The following INAVA variants were observed in gnomAD, a reference collection of about 807,000 sequenced individuals.
The protein encoded by INAVA is innate immunity activator.
Under a neutral mutation model 55.3 loss-of-function variants are expected in INAVA, and 32 were observed. The ratio of observed to expected loss-of-function variants is 0.58; its 90% CI spans 0.44 to 0.78. INAVA has a LOEUF of 0.78. Ranked by LOEUF, INAVA falls within the 30% of genes least tolerant of loss-of-function variation. The pLI is 0.00. For missense variants in INAVA, 756 were observed against 786.4 expected (o/e 0.96, Z 0.46); for synonymous variants, 294 against 329.4 (o/e 0.89, Z 1.16).
rs1257376077 is a variant in INAVA, at chr1:200,898,445, C to T, written c.45C>T (p.Ile15=). 3 of 1,613,864 alleles carry T rather than the reference C, an allele frequency of 1.9e-6. No homozygotes were observed. The change falls in exon 2 of 10, where the codon ATC becomes ATT. Residue 15 remains isoleucine (I), a synonymous_variant. Coordinates refer to ENST00000413687, the MANE Select transcript of INAVA (RefSeq NM_001142569.3). ...TCAGCGACACCGACAGTGGCATCAT[C>T]CTGCAGTCTGGTGAGTGTTCAGGGA... The part of the protein sequence containing the change: ...DEVSDTDSGI[I]LQSGPDSPVS...
chr1:200,902,174 G>A (rs1158165089), intron 5 of INAVA, among the ~76,000 whole-genome samples: 4 of 152,278 alleles, frequency 2.6e-5, no homozygotes, highest in Admixed American at 6.5e-5. Flanking sequence ...ACATTCTCAG[G>A]CTCCCATCCC....
chr1:200,909,075 G>GGT, intron 7 of INAVA, 135 bp downstream of exon 7: 1 of 1,298,468 alleles, frequency 7.7e-7, no homozygotes. Flanking sequence ...GTGGGATGGA[G>GGT]GTGTGAGCCT....
chr1:200,901,904 G>A (rs987368386), intron 5 of INAVA, among the ~76,000 whole-genome samples: 1 of 152,318 alleles, frequency 6.6e-6, no homozygotes, highest in East Asian at 1.9e-4. Flanking sequence ...TCCACCACAG[G>A]TTAGCTTCCA....
chr1:200,894,930 G>A lies in INAVA; in HGVS notation c.-252G>A. ...CCTGGGAGGGACGGCAAGGTAGGCA[G>A]GTGAGCCGAGACGGACGGACGGCCA... On this transcript the variant is annotated 5_prime_UTR_variant, in exon 1 of 10. Transcript: ENST00000413687. The A allele has an allele frequency of 1.0e-6, 1 of 985,844 alleles. No homozygotes were observed. The allele number at this position is 985,844 out of a possible 1,614,324, so 61.1% of individuals were successfully genotyped here.
rs1653847036 is a variant in INAVA at position 200,913,833 on chromosome 1, T to C, written c.*204T>C. The C allele has an allele frequency of 1.8e-6, 1 of 563,854 alleles. No individual in the cohort carries two copies. Among genetic ancestry groups the C allele is most frequent in the Non-Finnish European group, 3.2e-6 (1 of 317,136 alleles). The allele number at this position is 563,854 out of a possible 1,614,324, so 34.9% of individuals were successfully genotyped here. A position where few individuals can be genotyped will look rare whatever the true frequency, so the allele number is the denominator to read the frequency against. ...ATATGTGGATTGTCCTCAATACCCC[T>C]GTGATATGATTATGTTTTATCCCCC... On this transcript the variant is annotated 3_prime_UTR_variant, in exon 10 of 10. Coordinates refer to ENST00000413687, the MANE Select transcript of INAVA (RefSeq NM_001142569.3).
chr1:200,891,601 C>T, upstream of INAVA: 1 of 1,565,306 alleles, frequency 6.4e-7, no homozygotes, highest in Non-Finnish European at 8.6e-7. Flanking sequence ...CAGGGAGGCT[C>T]GGGGGGAGGG....
At position 200,911,928 on chromosome 1, in the gene INAVA, C is replaced by T. The variant is rs1428490748; in HGVS notation, c.1435C>T (p.Arg479Cys). The stretch of plus-strand genomic sequence containing the variant: ...CCAGCGTCTGGTGCCCTCCCGCAGC[C>T]GCATCGTGCGGACGCCCTCCCTGAA... ...RYQRLVPSRS[R>C]IVRTPSLKDS... The change falls in exon 9 of 10, where the codon CGC becomes TGC. Residue 479 changes from arginine (R) to cysteine (C), a missense_variant. By Grantham distance (180) the Arg-to-Cys change is radical. This residue lies in a region of INAVA where 117 missense variants were observed against 162.1 expected (regional missense o/e 0.72). Coordinates refer to ENST00000413687, the MANE Select transcript of INAVA (RefSeq NM_001142569.3). The T allele has an allele frequency of 1.3e-6, 2 of 1,567,110 alleles. No individual in the cohort carries two copies. The highest frequency in any genetic ancestry group is 2.3e-5 in the East Asian group (1 of 42,912).
chr1:200,909,849 G>A (rs1035303148), intron 8 of INAVA, among the ~76,000 whole-genome samples: 6 of 152,144 alleles, frequency 3.9e-5, no homozygotes, highest in African/African-American at 1.4e-4. Flanking sequence ...AGGTTCCCGT[G>A]AGCCTTTGGT....
chr1:200,902,047 G>T (rs1002788703), intron 5 of INAVA, among the ~76,000 whole-genome samples: 1 of 152,052 alleles, frequency 6.6e-6, no homozygotes, highest in African/African-American at 2.4e-5. Flanking sequence ...TCTGCCCCCC[G>T]TCTCTCACAT....
intron 1 of INAVA, 63 bp downstream of exon 1, chr1:200,895,150 G>A: frequency 1.0e-6 from 1 of 984,590 alleles, no homozygotes; most frequent in Non-Finnish European, 1.2e-6. Flanking sequence ...GGGAGTGGAG[G>A]AGCCCAAGCA....
At chr1:200,899,188 G>T (rs1319500959) in intron 2 of INAVA, among the ~76,000 whole-genome samples, 2 of 151,802 alleles carry the variant, frequency 1.3e-5, no homozygotes, top group Non-Finnish European at 2.9e-5. Flanking sequence ...AGGAGTGGGG[G>T]GAGGACTGCA....
chr1:200,900,311 C>T, intron 4 of INAVA, 91 bp downstream of exon 4: 4 of 1,151,914 alleles, frequency 3.5e-6, no homozygotes, highest in Non-Finnish European at 5.1e-6. Context: ...TGGCAGGTTC[C>T]CTTCCACCCT....
intron 9 of INAVA, 21 bp from the exon 10 acceptor site, chr1:200,913,516 C>G (rs1199440457): frequency 1.2e-6 from 2 of 1,609,544 alleles, no homozygotes; most frequent in African/African-American, 1.3e-5. Context: ...CCCACCTGTC[C>G]TTTCTTCCTG....
chr1:200,910,217 C>T lies in INAVA; in HGVS notation c.959+820C>T, dbSNP rs150408034. ...GAAACATGAGGGCAGAACATGGCCT[C>T]GTTTAACCTCAGAACTTAAAGAGAC... is the stretch of plus-strand genomic sequence containing the variant. On this transcript the variant is annotated intron_variant, in intron 8 of 9. Transcript: ENST00000413687. 7.9e-4 allele frequency among the ~76,000 whole-genome samples: 121 copies of T among 152,272 alleles called. No individual in the cohort carries two copies. In the East Asian group the frequency reaches 0.017, roughly 22 times the overall value.
chr1:200,898,254 C>A, intron 1 of INAVA, 53 bp from the exon 2 acceptor site: 4 of 1,577,986 alleles, frequency 2.5e-6, no homozygotes, highest in South Asian at 1.2e-5. Context: ...CTTTTTGTAA[C>A]CAAGATGGTT....
intron 2 of INAVA, 151 bp from the exon 3 acceptor site, chr1:200,899,322 C>A: frequency 8.4e-7 from 1 of 1,189,664 alleles, no homozygotes; most frequent in Non-Finnish European, 1.2e-6. Context: ...ACACAGGCCA[C>A]AGCAGCCAGC....
At chr1:200,897,901 C>T (rs754467159) in intron 1 of INAVA, among the ~76,000 whole-genome samples, 3 of 152,172 alleles carry the variant, frequency 2.0e-5, no homozygotes, top group Admixed American at 1.3e-4. Flanking sequence ...GGATTACAGG[C>T]GTGAGCCACC....
At position 200,911,723 on chromosome 1, in the gene INAVA, G is replaced by C; in HGVS notation, c.1230G>C (p.Trp410Cys). The C allele has an allele frequency of 6.2e-7, 1 of 1,612,850 alleles. No homozygotes were observed. Among genetic ancestry groups the C allele is most frequent in the Non-Finnish European group, 8.5e-7 (1 of 1,179,172 alleles). ...AGACCCATCGTCACCGCGGGGCCTG[G>C]GTCCCAGCCGGCAGCAGAGAGCTGG... Reference protein sequence around the residue: ...PPKTHRHRGAWVPAGSRELVA... With the variant: ...PPKTHRHRGACVPAGSRELVA... Residue 410 changes from tryptophan to cysteine, a missense_variant, in exon 9 of 10, where the codon TGG becomes TGC. By Grantham distance (215) the Trp-to-Cys change is radical. Around this residue, in one of 2 missense-constraint regions of INAVA, gnomAD observed 639 missense variants for 624.3 expected, o/e 1.02. Coordinates refer to ENST00000413687, the MANE Select transcript of INAVA (RefSeq NM_001142569.3).
At chr1:200,898,543 G>A in intron 2 of INAVA, 88 bp downstream of exon 2, 3 of 1,465,640 alleles carry the variant, frequency 2.0e-6, no homozygotes, top group Non-Finnish European at 1.9e-6. Flanking sequence ...GAGCCCTCAG[G>A]CACTAGGGCT....
Sources: gnomAD v4.1 joint callset for allele counts (sites outside exome capture counted in the v4.1 genomes callset) on GRCh38, gnomAD v4.1.1 for gene constraint, gnomAD v4.1.1 regional missense constraint, MANE v1.5 for transcripts, NCBI Gene and HGNC (gene_info 2026-07-23, HGNC 2026-07-21) for gene names.